Variants in XKR6 observed in about 807,000 individuals in gnomAD.
The protein encoded by XKR6 is XK related 6.
XKR6 carries 22 observed loss-of-function variants against 56.7 expected under a neutral mutation model. The observed-to-expected ratio is 0.39, with a 90% confidence interval of 0.28 to 0.55. The LOEUF is 0.55. Among genes scored for constraint, XKR6 ranks in the 20% least tolerant of loss-of-function variants. The pLI, the probability that XKR6 is intolerant of heterozygous loss-of-function variation, is 0.66. For synonymous variants in XKR6, 524 were observed against 387.8 expected (o/e 1.35, Z -4.13); for missense variants, 852 against 889.0 (o/e 0.96, Z 0.53).
intron 1 of XKR6, among the ~76,000 whole-genome samples, chr8:10,943,572 C>A (rs761100470): frequency 6.6e-6 from 1 of 152,128 alleles, no homozygotes. Flanking sequence ...ATGCCTGCTC[C>A]TTGACCTGGT....
chr8:11,126,280 C>T (rs1301275264), intron 1 of XKR6, among the ~76,000 whole-genome samples: 1 of 152,066 alleles, frequency 6.6e-6, no homozygotes, highest in Non-Finnish European at 1.5e-5. Flanking sequence ...ATTGGTCAGG[C>T]TGGTCTTGAA....
intron 1 of XKR6, among the ~76,000 whole-genome samples, chr8:10,948,589 AC>A (rs1250467347): frequency 6.6e-6 from 1 of 152,042 alleles, no homozygotes; most frequent in East Asian, 1.9e-4. Flanking sequence ...CTCAGTAGCT[AC>A]CCTACAGGAC....
At chr8:11,090,302 G>A (rs1391232716) in intron 1 of XKR6, among the ~76,000 whole-genome samples, 1 of 152,054 alleles carries the variant, frequency 6.6e-6, no homozygotes, top group Non-Finnish European at 1.5e-5. Flanking sequence ...TGTCCAGGCT[G>A]GTCTCAGATT....
intron 1 of XKR6, among the ~76,000 whole-genome samples, chr8:10,939,447 C>T (rs1801324738): frequency 6.6e-6 from 1 of 152,202 alleles, no homozygotes; most frequent in African/African-American, 2.4e-5. Flanking sequence ...GCTGCTCCCA[C>T]AGTCCTATCC....
At chr8:11,113,666 A>C (rs1278373268) in intron 1 of XKR6, among the ~76,000 whole-genome samples, 1 of 152,222 alleles carries the variant, frequency 6.6e-6, no homozygotes, top group Non-Finnish European at 1.5e-5. Context: ...TATTGTTTAA[A>C]AAAAAATTTC....
At chr8:11,045,942 T>C (rs775280257) in intron 1 of XKR6, among the ~76,000 whole-genome samples, 1 of 152,206 alleles carries the variant, frequency 6.6e-6, no homozygotes, top group Non-Finnish European at 1.5e-5. Context: ...TCCCAAGTGT[T>C]GTCAAGGATG....
intron 1 of XKR6, among the ~76,000 whole-genome samples, chr8:10,998,560 G>A (rs974448266): frequency 2.0e-5 from 3 of 152,208 alleles, no homozygotes; most frequent in African/African-American, 2.4e-5. Context: ...AGAGCAAAGC[G>A]TGGACAAGAG....
chr8:11,044,867 C>T (rs1187149768), intron 1 of XKR6, among the ~76,000 whole-genome samples: 1 of 151,912 alleles, frequency 6.6e-6, no homozygotes, highest in Non-Finnish European at 1.5e-5. Context: ...ATCCACCCAA[C>T]TCGGCCTCCC....
At chr8:11,026,607 A>G (rs559433235) in intron 1 of XKR6, among the ~76,000 whole-genome samples, 36 of 150,744 alleles carry the variant, frequency 2.4e-4, no homozygotes, top group Admixed American at 5.3e-4. Context: ...CTAGCCTACT[A>G]CACACTTAGA....
intron 1 of XKR6, among the ~76,000 whole-genome samples, chr8:11,019,409 G>A (rs1798698766): frequency 6.6e-6 from 1 of 152,198 alleles, no homozygotes; most frequent in African/African-American, 2.4e-5. Context: ...TGGACTTCGG[G>A]ACCACCCATT....
At chr8:10,938,286 C>G (rs1192358590) in intron 1 of XKR6, among the ~76,000 whole-genome samples, 1 of 152,206 alleles carries the variant, frequency 6.6e-6, no homozygotes, top group Non-Finnish European at 1.5e-5. Context: ...ACCCACTGGC[C>G]TGCGCCCACT....
intron 1 of XKR6, among the ~76,000 whole-genome samples, chr8:11,082,833 A>G (rs1176819793): frequency 6.6e-6 from 1 of 152,250 alleles, no homozygotes; most frequent in East Asian, 1.9e-4. Flanking sequence ...CTGACGTCTC[A>G]TGGTTGCAGA....
intron 1 of XKR6, among the ~76,000 whole-genome samples, chr8:11,054,372 G>A (rs1321518232): frequency 6.6e-6 from 1 of 152,200 alleles, no homozygotes; most frequent in Admixed American, 6.5e-5. Flanking sequence ...CCTGACTCAA[G>A]GACTATGTGC....
At chr8:10,954,291 T>C (rs1233001178) in intron 1 of XKR6, among the ~76,000 whole-genome samples, 1 of 152,266 alleles carries the variant, frequency 6.6e-6, no homozygotes, top group Non-Finnish European at 1.5e-5. Context: ...AACAATGCAA[T>C]GAGCGTTCCA....
intron 1 of XKR6, among the ~76,000 whole-genome samples, chr8:11,086,065 C>G (rs1362200350): frequency 1.3e-5 from 2 of 151,734 alleles, no homozygotes; most frequent in African/African-American, 2.4e-5. Flanking sequence ...TCTCACGGTC[C>G]CGCCAGCTGC....
rs112354380 is a variant in XKR6 at position 11,163,456 on chromosome 8, C to A, written c.764+37120G>T. ...CCTAGAATCAAAAAGCTCACAAAAT[C>A]CACCAAATCTGCATACACCATGTCT... On this transcript the variant is annotated intron_variant, in intron 1 of 2. Coordinates refer to ENST00000416569, the MANE Select transcript of XKR6 (RefSeq NM_173683.4). 2.1e-3 allele frequency among the ~76,000 whole-genome samples: 313 copies of A among 152,340 alleles called. 1 individual carries two copies. The highest frequency in any genetic ancestry group is 7.1e-3 in the African/African-American group (297 of 41,572).
intron 1 of XKR6, among the ~76,000 whole-genome samples, chr8:11,159,182 A>C (rs900358709): frequency 1.3e-5 from 2 of 152,236 alleles, no homozygotes; most frequent in East Asian, 3.8e-4. Flanking sequence ...CATCCACCAT[A>C]TATTCCCAGA....
intron 1 of XKR6, chr8:11,128,753 A>G (rs1419643022): frequency 2.3e-6 from 1 of 434,792 alleles, no homozygotes; most frequent in South Asian, 1.7e-5. Flanking sequence ...ATCCTTTCCA[A>G]CTTTCTTTCC....
rs114807429 is a variant in XKR6 at position 10,900,353 on chromosome 8, C to T, written c.962-1437G>A. On this transcript the variant is annotated intron_variant, in intron 2 of 2. Coordinates refer to ENST00000416569, the MANE Select transcript of XKR6 (RefSeq NM_173683.4). ...CAACTCCCCACAACTCTCCGAAGCCCGATGAAGAATCCGAGTTCTCTGCCA... is the reference window on the plus strand; with the variant it reads ...CAACTCCCCACAACTCTCCGAAGCCTGATGAAGAATCCGAGTTCTCTGCCA... Among the ~76,000 whole-genome samples, 886 of 152,314 alleles carry T rather than the reference C, an allele frequency of 5.8e-3. 14 individuals are homozygous for T. Among genetic ancestry groups the T allele is most frequent in the African/African-American group, 0.02 (844 of 41,556 alleles).
Sources: allele counts gnomAD v4.1 joint callset (sites outside exome capture counted in the v4.1 genomes callset), GRCh38; gene constraint gnomAD v4.1.1; transcripts MANE v1.5; gene names NCBI Gene and HGNC (gene_info 2026-07-23, HGNC 2026-07-21).